ANKFN1: variants seen among roughly 807,000 people sequenced by gnomAD.
ANKFN1 encodes the protein ankyrin repeat and fibronectin type-III domain-containing protein 1.
A neutral mutation model predicts 108.7 loss-of-function variants in ANKFN1; 74 were observed. That is an observed-to-expected ratio of 0.68 (90% CI 0.56 to 0.83). The LOEUF (loss-of-function observed/expected upper bound fraction) is 0.83. Ranked by LOEUF, ANKFN1 falls within the 40% of genes least tolerant of loss-of-function variation. The pLI, the probability that ANKFN1 is intolerant of heterozygous loss-of-function variation, is 0.00. For synonymous variants in ANKFN1, 547 were observed against 516.2 expected (o/e 1.06, Z -0.81); for missense variants, 1,505 against 1,382.3 (o/e 1.09, Z -1.41).
chr17:56,115,085 GC>G (rs1906183905), intron 4 of ANKFN1, among the ~76,000 whole-genome samples: 1 of 152,212 alleles, frequency 6.6e-6, no homozygotes, highest in Admixed American at 6.5e-5. Context: ...ATTGTTTTAA[GC>G]TACTAAGTTT....
intron 1 of ANKFN1, among the ~76,000 whole-genome samples, chr17:56,187,695 A>G (rs1912359768): frequency 6.6e-6 from 1 of 152,228 alleles, no homozygotes; most frequent in Non-Finnish European, 1.5e-5. Flanking sequence ...ATGTCCATCA[A>G]TGATAGACTG....
chr17:56,283,538 T>TATATA (rs1263196279), intron 3 of ANKFN1, among the ~76,000 whole-genome samples: 1 of 150,162 alleles, frequency 6.7e-6, no homozygotes, highest in African/African-American at 2.5e-5. Context: ...TATATATATA[T>TATATA]GATGGAATAC....
chr17:56,454,984 T>C (rs1369914690), intron 11 of ANKFN1, among the ~76,000 whole-genome samples: 1 of 152,166 alleles, frequency 6.6e-6, no homozygotes, highest in African/African-American at 2.4e-5. Context: ...GGAGGAGATC[T>C]AGAAGTCTAA....
At chr17:56,057,084 C>A (rs1939228460) in intron 4 of ANKFN1, among the ~76,000 whole-genome samples, 1 of 152,196 alleles carries the variant, frequency 6.6e-6, no homozygotes, top group Non-Finnish European at 1.5e-5. Flanking sequence ...AAACCACTTT[C>A]TTTGCTCATG....
At chr17:56,253,312 A>G (rs72833818) in intron 3 of ANKFN1, among the ~76,000 whole-genome samples, 36 of 152,336 alleles carry the variant, frequency 2.4e-4, no homozygotes, top group Non-Finnish European at 4.9e-4. Context: ...TAAAGCCTCT[A>G]TGAAATTTCT....
At chr17:56,372,571 T>A in intron 6 of ANKFN1, 75 bp from the exon 7 acceptor site, 4 of 1,233,750 alleles carry the variant, frequency 3.2e-6, no homozygotes, top group East Asian at 2.4e-5. Context: ...CATAGTAAAC[T>A]CTGGGATATA....
intron 4 of ANKFN1, among the ~76,000 whole-genome samples, chr17:56,064,790 C>T (rs1233455479): frequency 1.3e-5 from 2 of 152,196 alleles, no homozygotes; most frequent in Admixed American, 1.3e-4. Flanking sequence ...TAAGCAGATT[C>T]CAGCTGAGAG....
intron 4 of ANKFN1, among the ~76,000 whole-genome samples, chr17:56,123,540 T>C (rs1228318423): frequency 6.6e-6 from 1 of 152,180 alleles, no homozygotes; most frequent in African/African-American, 2.4e-5. Flanking sequence ...ATTTTCACTA[T>C]AGCAGGGAGC....
chr17:56,197,942 C>T (rs1359752830), intron 1 of ANKFN1, among the ~76,000 whole-genome samples: 3 of 152,066 alleles, frequency 2.0e-5, no homozygotes, highest in African/African-American at 4.8e-5. Context: ...CCCAAGAGGT[C>T]GAGGCTACAG....
intron 8 of ANKFN1, among the ~76,000 whole-genome samples, chr17:56,385,005 T>A (rs1217996821): frequency 3.3e-5 from 5 of 151,672 alleles, no homozygotes; most frequent in Non-Finnish European, 7.4e-5. Flanking sequence ...AGAGCCCGCA[T>A]CGCCAAGTCA....
chr17:56,110,776 A>C (rs1273956159), intron 4 of ANKFN1, among the ~76,000 whole-genome samples: 1 of 152,242 alleles, frequency 6.6e-6, no homozygotes, highest in Non-Finnish European at 1.5e-5. Flanking sequence ...CAGGAAAGGA[A>C]AGTTGGAAAA....
At chr17:56,050,063 G>T (rs1904748487) in intron 4 of ANKFN1, among the ~76,000 whole-genome samples, 1 of 151,840 alleles carries the variant, frequency 6.6e-6, no homozygotes, top group African/African-American at 2.4e-5. Flanking sequence ...GTTGTTTCCT[G>T]ACTTTTTAAT....
At chr17:56,422,520 C>T (rs4794640) in intron 8 of ANKFN1, among the ~76,000 whole-genome samples, 120,465 of 152,062 alleles carry the variant, frequency 0.79, 47,980 homozygotes, top group East Asian at 0.96. Context: ...CACGCACACA[C>T]TTCAACTACT....
At chr17:56,413,974 A>T (rs1431302731) in intron 8 of ANKFN1, among the ~76,000 whole-genome samples, 1 of 152,234 alleles carries the variant, frequency 6.6e-6, no homozygotes, top group Non-Finnish European at 1.5e-5. Context: ...CACTGCATCC[A>T]GCCATGAATC....
At chr17:56,261,346 C>A (rs752366900) in intron 3 of ANKFN1, among the ~76,000 whole-genome samples, 2 of 152,122 alleles carry the variant, frequency 1.3e-5, no homozygotes, top group Non-Finnish European at 2.9e-5. Context: ...GTGTTAGTTC[C>A]CCTTTGCAGT....
intron 14 of ANKFN1, among the ~76,000 whole-genome samples, chr17:56,459,053 G>A (rs1369401977): frequency 1.3e-5 from 2 of 152,062 alleles, no homozygotes; most frequent in Non-Finnish European, 2.9e-5. Context: ...TTGCTGTTTT[G>A]TATGCTCAGT....
At chr17:56,355,805 A>G (rs1459508969) in intron 6 of ANKFN1, among the ~76,000 whole-genome samples, 1 of 152,136 alleles carries the variant, frequency 6.6e-6, no homozygotes, top group African/African-American at 2.4e-5. Flanking sequence ...CAATTCACAT[A>G]CCATAAAATT....
intron 3 of ANKFN1, 88 bp from the exon 4 acceptor site, chr17:56,326,133 C>T: frequency 6.7e-7 from 1 of 1,485,050 alleles, no homozygotes; most frequent in Non-Finnish European, 9.0e-7. Flanking sequence ...ATCATTTCCT[C>T]TTTTATTTTG....
chr17:56,331,080 T>C (rs1034827711), intron 4 of ANKFN1, among the ~76,000 whole-genome samples: 3 of 152,190 alleles, frequency 2.0e-5, no homozygotes, highest in African/African-American at 7.2e-5. Flanking sequence ...TTCTGCCTAG[T>C]GACAGGCAGG....
Sources: allele counts gnomAD v4.1 joint callset (sites outside exome capture counted in the v4.1 genomes callset), GRCh38; gene constraint gnomAD v4.1.1; transcripts MANE v1.5; gene names NCBI Gene and HGNC (gene_info 2026-07-23, HGNC 2026-07-21).